The following IFNAR1 variants were observed in gnomAD, a reference collection of about 807,000 sequenced individuals.
IFNAR1 encodes interferon alpha/beta receptor 1.
Under a neutral mutation model 62.1 loss-of-function variants are expected in IFNAR1, and 47 were observed. The ratio of observed to expected loss-of-function variants is 0.76; its 90% confidence interval spans 0.60 to 0.97. IFNAR1 has a LOEUF of 0.97. IFNAR1 is among the 50% of genes least tolerant of loss of function. The pLI, the probability that IFNAR1 is intolerant of heterozygous loss-of-function variation, is 0.00. For missense variants in IFNAR1, 638 were observed against 654.5 expected (o/e 0.97, Z 0.27); for synonymous variants, 219 against 226.9 (o/e 0.97, Z 0.31).
At chr21:33,351,555 T>A (rs946343923) in intron 8 of IFNAR1, among the ~76,000 whole-genome samples, 1 of 149,242 alleles carries the variant, frequency 6.7e-6, no homozygotes, top group Non-Finnish European at 1.5e-5. Flanking sequence ...TTATTTTATT[T>A]TTTTTTTTTT....
rs760474462 is a variant in IFNAR1, at chr21:33,355,372, C to T, written c.1497C>T (p.Ile499=). Reference sequence around the variant, plus strand: ...TGCTTTCAACTTCTGAGGAACAAATCGAAAAATGTTTCATAATTGAAAATA... The same window carrying T: ...TGCTTTCAACTTCTGAGGAACAAATTGAAAAATGTTTCATAATTGAAAATA... The part of the protein sequence containing the change: ...NLLLSTSEEQ[I]EKCFIIENIS... The change falls in exon 11 of 11, where the codon ATC becomes ATT. Residue 499 remains isoleucine, a synonymous_variant. Transcript: ENST00000270139. The T allele has an allele frequency of 4.4e-6, 7 of 1,601,650 alleles. No individual in the cohort carries two copies. Among genetic ancestry groups the T allele is most frequent in the Middle Eastern group, 1.7e-4 (1 of 6,002 alleles).
rs2083336920 is a variant in IFNAR1 at position 33,345,477 on chromosome 21, A to C, written c.788+117A>C. The C allele has an allele frequency of 4.5e-6, 3 of 672,700 alleles. No homozygotes were observed. In the East Asian group the frequency reaches 8.2e-5, roughly 18 times the overall value. 41.7% of individuals were successfully genotyped at this position (672,700 alleles called of 1,614,324 possible). On this transcript the variant is annotated intron_variant, in intron 6 of 10. Transcript: ENST00000270139. ...AATGACCGACTGGGAGGTGGGTACG[A>C]TATATTGGAAACGTGAGAAATCTCA... is the stretch of plus-strand genomic sequence containing the variant.
In IFNAR1 at chr21:33,352,872, G is replaced by GT. The variant is rs757184785; in HGVS notation, c.1263dup (p.Ser422Ter). The GT allele has an allele frequency of 2.5e-6, 4 of 1,601,692 alleles. No individual in the cohort carries two copies. Among genetic ancestry groups the GT allele is most frequent in the Non-Finnish European group, 3.4e-6 (4 of 1,171,698 alleles). On this transcript the variant is annotated frameshift_variant, in exon 9 of 11. Coordinates refer to ENST00000270139, the MANE Select transcript of IFNAR1 (RefSeq NM_000629.3). LOFTEE classifies it high-confidence loss of function. ...GGATGAAAAGCTGAATAAAAGCAGT[G>GT]TTTTTAGTGACGCTGTATGTGAGAA...
intron 8 of IFNAR1, among the ~76,000 whole-genome samples, chr21:33,351,209 G>C (rs2123266484): frequency 6.6e-6 from 1 of 152,310 alleles, no homozygotes; most frequent in African/African-American, 2.4e-5. Flanking sequence ...TTACATTGCT[G>C]TTTGGCAAAT....
chr21:33,355,557 T>G lies in IFNAR1; in HGVS notation c.*8T>G. 6.8e-7 allele frequency: 1 copy of G among 1,481,434 alleles called. No individual in the cohort carries two copies. Among genetic ancestry groups the G allele is most frequent in the Non-Finnish European group, 9.2e-7 (1 of 1,082,276 alleles). 91.8% of individuals were successfully genotyped at this position (1,481,434 alleles called of 1,614,324 possible). A position where few individuals can be genotyped will look rare whatever the true frequency, so the allele number is the denominator to read the frequency against. On this transcript the variant is annotated 3_prime_UTR_variant, in exon 11 of 11. Coordinates refer to ENST00000270139, the MANE Select transcript of IFNAR1 (RefSeq NM_000629.3). ...CAGCAGGACTTTGTATGACCAGAAA[T>G]GAACTGTGTCAAGTATAAGGTTTTT... is the stretch of plus-strand genomic sequence containing the variant.
At chr21:33,326,618 C>T (rs1037609642) in intron 1 of IFNAR1, among the ~76,000 whole-genome samples, 1 of 152,120 alleles carries the variant, frequency 6.6e-6, no homozygotes. Flanking sequence ...AATGATCTGT[C>T]AGGGTAGCCC....
chr21:33,332,288 G>T (rs1189531121), intron 1 of IFNAR1, among the ~76,000 whole-genome samples: 2 of 151,980 alleles, frequency 1.3e-5, no homozygotes, highest in Non-Finnish European at 2.9e-5. Context: ...TACTGACATT[G>T]AACACAGGTA....
intron 1 of IFNAR1, among the ~76,000 whole-genome samples, chr21:33,326,160 G>A (rs1490135542): frequency 4.0e-5 from 6 of 151,484 alleles, no homozygotes; most frequent in South Asian, 2.1e-4. Context: ...GCAATTCTAG[G>A]ACCCAAGACT....
chr21:33,334,613 A>G lies in IFNAR1; in HGVS notation c.77-911A>G, dbSNP rs1268876148. 15 of 630,736 alleles carry G rather than the reference A, an allele frequency of 2.4e-5. No homozygotes were observed. The East Asian group carries it at 5.7e-4, about 24-fold the overall frequency. The allele number at this position is 630,736 out of a possible 1,614,324, so 39.1% of individuals were successfully genotyped here. A position where few individuals can be genotyped will look rare whatever the true frequency, so the allele number is the denominator to read the frequency against. ...AAGGTGAAATGAAAGGGCACTAGAC[A>G]GAGGGGACAGTGCAGATTCAGGCAG... On this transcript the variant is annotated intron_variant, in intron 1 of 10. Transcript: ENST00000270139.
chr21:33,353,892 G>C, intron 10 of IFNAR1, 109 bp downstream of exon 10: 1 of 703,368 alleles, frequency 1.4e-6, no homozygotes, highest in Non-Finnish European at 2.3e-6. Context: ...AAATAATAGA[G>C]ACTGATTTGG....
In IFNAR1 at chr21:33,325,014, G is replaced by A. The variant is rs375534781; in HGVS notation, c.-42G>A. The A allele has an allele frequency of 2.3e-4, 355 of 1,546,646 alleles. 7 individuals are homozygous for A. In the Middle Eastern group the frequency reaches 8.5e-3, roughly 37 times the overall value. ...CGATGGCGGCTGAGAGGAGCTGCGC[G>A]TGCGCGAACATGTAACTGGTGGGAT... On this transcript the variant is annotated 5_prime_UTR_variant, in exon 1 of 11. It adds an upstream start codon to the 5' untranslated region. Coordinates refer to ENST00000270139, the MANE Select transcript of IFNAR1 (RefSeq NM_000629.3).
chr21:33,339,185 AT>A (rs1160507810), intron 2 of IFNAR1, among the ~76,000 whole-genome samples: 3 of 152,228 alleles, frequency 2.0e-5, no homozygotes, highest in African/African-American at 7.2e-5. Context: ...TTGAAATTAT[AT>A]TAAGTTTTAA....
chr21:33,324,853 A>AGGCGCGTGCGTGGAGGAAC, upstream of IFNAR1: 1 of 581,614 alleles, frequency 1.7e-6, no homozygotes, highest in Middle Eastern at 4.6e-4. Context: ...CTAGGAGGAA[A>AGGCGCGTGCGTGGAGGAAC]GGCGCGTGCG....
At position 33,358,033 on chromosome 21, in the gene IFNAR1, G is replaced by A. The variant is rs1030084742; in HGVS notation, c.*2484G>A. 3.3e-5 allele frequency: 5 copies of A among 152,242 alleles called. No homozygotes were observed. In the East Asian group the frequency reaches 7.7e-4, roughly 23 times the overall value. The allele number at this position is 152,242 out of a possible 1,614,324, so 9.4% of individuals were successfully genotyped here. A position where few individuals can be genotyped will look rare whatever the true frequency, so the allele number is the denominator to read the frequency against. On this transcript the variant is annotated 3_prime_UTR_variant, in exon 11 of 11. Transcript: ENST00000270139. ...AAAAGGAGCAATGCCCTTGTAGGAT[G>A]TGGAGAAGGGAAAATACGGACATTA... is the stretch of plus-strand genomic sequence containing the variant.
intron 1 of IFNAR1, chr21:33,334,492 A>G: frequency 2.8e-6 from 1 of 352,648 alleles, no homozygotes; most frequent in Non-Finnish European, 5.5e-6. Context: ...GCCCTTCAAA[A>G]GCATAAGGAA....
In IFNAR1 at chr21:33,325,827, G is replaced by C. The variant is rs551297304; in HGVS notation, c.76+696G>C. ...TGAAGAGAAAAAGAGAGTAAAGGGA[G>C]TCAGTTATGCAGATGCCTCTGGGTA... On this transcript the variant is annotated intron_variant, in intron 1 of 10. Transcript: ENST00000270139. Among the ~76,000 whole-genome samples, 3 of 152,284 alleles carry C rather than the reference G, an allele frequency of 2.0e-5. No individual in the cohort carries two copies. In the South Asian group the frequency reaches 6.2e-4, roughly 32 times the overall value.
intron 2 of IFNAR1, among the ~76,000 whole-genome samples, chr21:33,340,103 C>A (rs1166111209): frequency 6.6e-6 from 1 of 151,998 alleles, no homozygotes. Flanking sequence ...AATATCACTT[C>A]AGCTTTCTGA....
At chr21:33,352,606 A>C (rs184491960) in intron 8 of IFNAR1, 152 bp from the exon 9 acceptor site, 472 of 489,940 alleles carry the variant, frequency 9.6e-4, no homozygotes, top group African/African-American at 4.8e-3. Context: ...GTCTCACAAA[A>C]AAAACAAAAC....
chr21:33,325,201 C>A lies in IFNAR1; in HGVS notation c.76+70C>A, dbSNP rs972203306. On this transcript the variant is annotated intron_variant, in intron 1 of 10. Coordinates refer to ENST00000270139, the MANE Select transcript of IFNAR1 (RefSeq NM_000629.3). ...GCACGCAGCTGGGCTACGGGGGCGG[C>A]GATGCTGTTGGGGGCGACAGACGCC... 7 of 1,363,974 alleles carry A rather than the reference C, an allele frequency of 5.1e-6. No individual in the cohort carries two copies. The African/African-American group carries it at 7.1e-5, about 14-fold the overall frequency. The allele number at this position is 1,363,974 out of a possible 1,614,324, so 84.5% of individuals were successfully genotyped here. A position where few individuals can be genotyped will look rare whatever the true frequency, so the allele number is the denominator to read the frequency against.
Sources: gnomAD v4.1 joint callset for allele counts (sites outside exome capture counted in the v4.1 genomes callset) on GRCh38, gnomAD v4.1.1 for gene constraint, MANE v1.5 for transcripts, NCBI Gene and HGNC (gene_info 2026-07-23, HGNC 2026-07-21) for gene names.